Variants in MMAA observed in about 807,000 individuals in gnomAD.
MMAA encodes the protein metabolism of cobalamin associated A.
Under a neutral mutation model 45.0 loss-of-function variants are expected in MMAA, and 41 were observed. The observed-to-expected ratio is 0.91, with a 90% CI of 0.71 to 1.18. The LOEUF is 1.18. Ranked by LOEUF, MMAA falls within the 50% of genes most tolerant of loss-of-function variation. MMAA has a pLI of 0.00. For missense variants in MMAA, 460 were observed against 495.7 expected (o/e 0.93, Z 0.68); for synonymous variants, 154 against 178.2 (o/e 0.86, Z 1.08).
intron 1 of MMAA, chr4:145,625,245 G>A: frequency 1.0e-6 from 1 of 976,002 alleles, no homozygotes; most frequent in Non-Finnish European, 1.6e-6. Flanking sequence ...TCCTGTTGCT[G>A]ACTCTTGAGG....
At chr4:145,632,711 G>T (rs11937596) in intron 1 of MMAA, among the ~76,000 whole-genome samples, 3,289 of 150,088 alleles carry the variant, frequency 0.022, 98 homozygotes, top group African/African-American at 0.071. Flanking sequence ...TTTCTCTTTT[G>T]TCTTCCCTCA....
chr4:145,627,183 AT>A (rs1193616959), intron 1 of MMAA, among the ~76,000 whole-genome samples: 1 of 152,218 alleles, frequency 6.6e-6, no homozygotes, highest in Non-Finnish European at 1.5e-5. Flanking sequence ...AATCTAGAAT[AT>A]TTATTTAGAG....
chr4:145,647,152 G>T (rs1727948136), intron 4 of MMAA, among the ~76,000 whole-genome samples: 1 of 152,176 alleles, frequency 6.6e-6, no homozygotes, highest in South Asian at 2.1e-4. Flanking sequence ...TAGGAATGGC[G>T]ATGAGATAGA....
At position 145,654,131 on chromosome 4, in the gene MMAA, C is replaced by T. The variant is rs1216563406; in HGVS notation, c.957C>T (p.Val319=). ...ALKLLRKRSQ[V]WKPKVIRISA... Reference sequence around the variant, plus strand: ...AATTACTCCGCAAACGTTCACAAGTCTGGAAACCAAAGGTAAGCTTGCTTG... The same window carrying T: ...AATTACTCCGCAAACGTTCACAAGTTTGGAAACCAAAGGTAAGCTTGCTTG... The change falls in exon 6 of 7, where the codon GTC becomes GTT. Residue 319 remains valine (V), a synonymous_variant. Coordinates refer to ENST00000649156, the MANE Select transcript of MMAA (RefSeq NM_172250.3). 6.8e-6 allele frequency: 11 copies of T among 1,614,128 alleles called. No individual in the cohort carries two copies. Among genetic ancestry groups the T allele is most frequent in the Non-Finnish European group, 9.3e-6 (11 of 1,179,998 alleles).
At position 145,658,136 on chromosome 4, in the gene MMAA, G is replaced by A. The variant is rs1404536370; in HGVS notation, c.*2702G>A. 1 of 153,118 alleles carries A rather than the reference G, an allele frequency of 6.5e-6. No individual in the cohort carries two copies. The highest frequency in any genetic ancestry group is 1.5e-5 in the Non-Finnish European group (1 of 68,830). 9.5% of individuals were successfully genotyped at this position (153,118 alleles called of 1,614,324 possible). ...TCTGCCATGATTGTAAGCTTCCTGA[G>A]GCCTCCCTAGAAGCTGAGCAGATGC... is the stretch of plus-strand genomic sequence containing the variant. On this transcript the variant is annotated 3_prime_UTR_variant, in exon 7 of 7. Transcript: ENST00000649156.
intron 4 of MMAA, among the ~76,000 whole-genome samples, chr4:145,650,057 T>C (rs982467119): frequency 3.3e-5 from 5 of 152,208 alleles, no homozygotes; most frequent in African/African-American, 1.2e-4. Context: ...TAAATTACCT[T>C]TTTCCAGAAA....
At chr4:145,629,887 C>G (rs2126610557) in intron 1 of MMAA, among the ~76,000 whole-genome samples, 1 of 152,160 alleles carries the variant, frequency 6.6e-6, no homozygotes, top group Admixed American at 6.5e-5. Flanking sequence ...TGGGTGCCTC[C>G]CATAATATGT....
intron 1 of MMAA, among the ~76,000 whole-genome samples, chr4:145,621,664 T>A (rs913564523): frequency 2.6e-5 from 4 of 152,194 alleles, no homozygotes; most frequent in African/African-American, 9.7e-5. Flanking sequence ...GTGATTAGCA[T>A]TGAGAAATGG....
chr4:145,635,511 T>C (rs1727587085), intron 1 of MMAA, among the ~76,000 whole-genome samples: 1 of 152,198 alleles, frequency 6.6e-6, no homozygotes, highest in African/African-American at 2.4e-5. Flanking sequence ...CTTTGAGTGA[T>C]ACAAAGTTAA....
chr4:145,655,974 A>T lies in MMAA; in HGVS notation c.*540A>T, dbSNP rs886059094. ...TGGAATAATGTGATGATGTGAACAC[A>T]ATTTTAAAGTCTGCTTGTCTGGATT... On this transcript the variant is annotated 3_prime_UTR_variant, in exon 7 of 7. Transcript: ENST00000649156. 2 of 152,272 alleles carry T rather than the reference A, an allele frequency of 1.3e-5. No individual in the cohort carries two copies. Among genetic ancestry groups the T allele is most frequent in the Non-Finnish European group, 2.9e-5 (2 of 68,086 alleles). The allele number at this position is 152,272 out of a possible 1,614,324, so 9.4% of individuals were successfully genotyped here.
At position 145,651,147 on chromosome 4, in the gene MMAA, G is replaced by T; in HGVS notation, c.819G>T (p.Gln273His). 1 of 1,612,990 alleles carries T rather than the reference G, an allele frequency of 6.2e-7. No homozygotes were observed. Among genetic ancestry groups the T allele is most frequent in the Non-Finnish European group, 8.5e-7 (1 of 1,179,174 alleles). The change falls in exon 5 of 7, where the codon CAG becomes CAT. Residue 273 changes from glutamine (Q) to histidine (H), a missense_variant and splice_region_variant. Gln to His is a conservative substitution (Grantham distance 24). Coordinates refer to ENST00000649156, the MANE Select transcript of MMAA (RefSeq NM_172250.3). The part of the protein sequence containing the change: ...LLPPAGGDEL[Q>H]GIKRGIIEMA... ...CACCAGCAGGAGGAGATGAGCTGCAGGTAATTATTTTTATTTTTTCCCCCA... is the reference window on the plus strand; with the variant it reads ...CACCAGCAGGAGGAGATGAGCTGCATGTAATTATTTTTATTTTTTCCCCCA...
rs1728230080 is a variant in MMAA at position 145,656,347 on chromosome 4, G to A, written c.*913G>A. ...TTGGGCTCTGTAGTTGGACTATGTG[G>A]GTTTAAACTTTAAACCCAGATCAAT... On this transcript the variant is annotated 3_prime_UTR_variant, in exon 7 of 7. Transcript: ENST00000649156. 6.6e-6 allele frequency: 1 copy of A among 152,206 alleles called. No individual in the cohort carries two copies. The highest frequency in any genetic ancestry group is 2.1e-4 in the South Asian group (1 of 4,802). The allele number at this position is 152,206 out of a possible 1,614,324, so 9.4% of individuals were successfully genotyped here.
At chr4:145,635,325 A>C (rs1560794009) in intron 1 of MMAA, among the ~76,000 whole-genome samples, 1 of 152,060 alleles carries the variant, frequency 6.6e-6, no homozygotes, top group Non-Finnish European at 1.5e-5. Context: ...GTGCCAGCTG[A>C]GTTTTTCAGG....
intron 3 of MMAA, 121 bp from the exon 4 acceptor site, chr4:145,645,865 T>C (rs1727915568): frequency 1.2e-6 from 1 of 845,604 alleles, no homozygotes; most frequent in East Asian, 2.6e-5. Context: ...AGAAGCTCAG[T>C]AATATGAAAT....
chr4:145,642,813 T>A, intron 3 of MMAA: 1 of 344,042 alleles, frequency 2.9e-6, no homozygotes. Flanking sequence ...TTGTGTTTCC[T>A]GGCTGCATTA....
chr4:145,640,759 G>C (rs1195883218), intron 2 of MMAA, among the ~76,000 whole-genome samples: 1 of 152,140 alleles, frequency 6.6e-6, no homozygotes, highest in Admixed American at 6.5e-5. Flanking sequence ...AATTGTTTTT[G>C]AAATTGTGCA....
chr4:145,633,196 CTTTTTTTTTTTT>C (rs941603291), intron 1 of MMAA, among the ~76,000 whole-genome samples: 8 of 88,444 alleles, frequency 9.0e-5, no homozygotes, highest in African/African-American at 3.5e-4. Flanking sequence ...ATTTCTTTTT[CTTTTTTTTTTTT>C]TTTTTTTTTG....
At chr4:145,653,632 CACCTTAATG>C (rs1403672589) in intron 5 of MMAA, among the ~76,000 whole-genome samples, 1 of 152,132 alleles carries the variant, frequency 6.6e-6, no homozygotes, top group Admixed American at 6.5e-5. Context: ...TCTTTTTAAG[CACCTTAATG>C]ATGAATGGTT....
Position 145,639,329 on chromosome 4 carries a change from A to C in MMAA, c.190A>C (p.Lys64Gln). Residue 64 changes from lysine (K) to glutamine (Q), a missense_variant, in exon 2 of 7, where the codon AAA (lysine) becomes CAA (glutamine). Lys to Gln is a moderately conservative substitution (Grantham distance 53). Coordinates refer to ENST00000649156, the MANE Select transcript of MMAA (RefSeq NM_172250.3). The part of the protein sequence containing the change: ...WMLLSDGLKR[K>Q]LCVQTTLKDH... ...GCTGCTGTCAGATGGCTTAAAGAGA[A>C]AATTATGTGTACAAACAACCTTAAA... 1.2e-6 allele frequency: 2 copies of C among 1,614,226 alleles called. No individual in the cohort carries two copies. The highest frequency in any genetic ancestry group is 1.7e-6 in the Non-Finnish European group (2 of 1,180,036).
Sources: allele counts gnomAD v4.1 joint callset (sites outside exome capture counted in the v4.1 genomes callset), GRCh38; gene constraint gnomAD v4.1.1; transcripts MANE v1.5; gene names NCBI Gene and HGNC (gene_info 2026-07-23, HGNC 2026-07-21).